The following CDK17 variants were observed in gnomAD, a reference collection of about 807,000 sequenced individuals.
The protein encoded by CDK17 is cyclin-dependent kinase 17.
CDK17 carries 24 observed loss-of-function variants against 77.6 expected under a neutral mutation model. The ratio of observed to expected loss-of-function variants is 0.31; its 90% CI spans 0.22 to 0.44. CDK17 has a LOEUF of 0.44. CDK17 is among the 20% of genes least tolerant of loss of function. The pLI is 1.00. For synonymous variants in CDK17, 203 were observed against 210.4 expected, an observed-to-expected ratio of 0.96 and a Z score of 0.30; for missense variants, 429 against 622.5, an observed-to-expected ratio of 0.69 and a Z score of 3.31.
At chr12:96,285,653 A>C (rs12231912) in intron 13 of CDK17, 21,142 of 153,094 alleles carry the variant, frequency 0.14, 1,643 homozygotes, top group South Asian at 0.28. Flanking sequence ...GACAGAGTTT[A>C]TATTCTTCAA....
intron 1 of CDK17, among the ~76,000 whole-genome samples, chr12:96,386,126 G>A (rs1953969617): frequency 6.6e-6 from 1 of 152,164 alleles, no homozygotes; most frequent in African/African-American, 2.4e-5. Flanking sequence ...GGAGTAGCCA[G>A]GACTACAGGC....
intron 1 of CDK17, among the ~76,000 whole-genome samples, chr12:96,391,295 TC>T (rs1260247742): frequency 6.9e-6 from 1 of 145,152 alleles, no homozygotes; most frequent in Non-Finnish European, 1.5e-5. Flanking sequence ...ATTTTTTTTT[TC>T]TTTTTTTTTT....
chr12:96,298,803 TACTTATAAAAAATAGAC>T, intron 7 of CDK17, 49 bp downstream of exon 7: 1 of 870,490 alleles, frequency 1.1e-6, no homozygotes, highest in Non-Finnish European at 1.8e-6. Context: ...GAGCTCTTTT[TACTTATAAAAAATAGAC>T]ACTTATTCCA....
At chr12:96,307,590 G>A (rs1952592223) in intron 5 of CDK17, among the ~76,000 whole-genome samples, 2 of 152,072 alleles carry the variant, frequency 1.3e-5, no homozygotes, top group South Asian at 4.1e-4. Flanking sequence ...AAATGTCTTG[G>A]CCAGGCACAG....
intron 1 of CDK17, among the ~76,000 whole-genome samples, chr12:96,378,137 G>GTAGC (rs1394797900): frequency 6.6e-6 from 1 of 152,226 alleles, no homozygotes; most frequent in Non-Finnish European, 1.5e-5. Context: ...GTCACCTCAT[G>GTAGC]TAGCTCACAC....
At chr12:96,316,380 G>A (rs935661425) in intron 3 of CDK17, among the ~76,000 whole-genome samples, 1 of 150,238 alleles carries the variant, frequency 6.7e-6, no homozygotes, top group African/African-American at 2.5e-5. Context: ...GGCTGGGGGA[G>A]GGGCGCCCGC....
intron 3 of CDK17, among the ~76,000 whole-genome samples, chr12:96,315,980 G>C (rs1007027812): frequency 6.6e-6 from 1 of 152,092 alleles, no homozygotes; most frequent in African/African-American, 2.4e-5. Context: ...GAACAGCTCC[G>C]GTCTACAGCT....
intron 2 of CDK17, among the ~76,000 whole-genome samples, chr12:96,325,844 A>T (rs2368052): frequency 0.052 from 7,848 of 152,240 alleles, 264 homozygotes; most frequent in Non-Finnish European, 0.064. Context: ...ATGTGGGATA[A>T]TACAGGCTAC....
intron 1 of CDK17, among the ~76,000 whole-genome samples, chr12:96,369,174 C>A (rs1243357550): frequency 6.6e-6 from 1 of 151,956 alleles, no homozygotes; most frequent in Non-Finnish European, 1.5e-5. Context: ...AAGTATATAT[C>A]TATATACATA....
chr12:96,292,976 A>G (rs1427689137), intron 10 of CDK17, among the ~76,000 whole-genome samples: 1 of 152,146 alleles, frequency 6.6e-6, no homozygotes, highest in Non-Finnish European at 1.5e-5. Context: ...GACCCATTTT[A>G]TACTCTTGAA....
In CDK17 at chr12:96,286,646, A is replaced by G; in HGVS notation, c.1216+18T>C. ...AATTATGGGTGCAAAATCACTGGGA[A>G]AAGATTTCTTCTGTTACCTAGCAGT... On this transcript the variant is annotated intron_variant, in intron 12 of 16. Coordinates refer to ENST00000261211, the MANE Select transcript of CDK17 (RefSeq NM_002595.5). 1 of 1,587,040 alleles carries G rather than the reference A, an allele frequency of 6.3e-7. No individual in the cohort carries two copies. The highest frequency in any genetic ancestry group is 8.7e-7 in the Non-Finnish European group (1 of 1,155,908).
At chr12:96,337,650 T>C (rs1321254336) in intron 1 of CDK17, among the ~76,000 whole-genome samples, 5 of 152,226 alleles carry the variant, frequency 3.3e-5, no homozygotes, top group Non-Finnish European at 5.9e-5. Flanking sequence ...TCTTTACTTC[T>C]GATAGTCAAC....
Position 96,299,514 on chromosome 12 carries a change from C to T in CDK17, c.601-531G>A, listed in dbSNP as rs576901425. ...CAAGCGATTCTCCTGACTCAGCCTC[C>T]CGAGTAGCTGGGATTACAGGCGCCC... On this transcript the variant is annotated intron_variant, in intron 6 of 16. Transcript: ENST00000261211. Among the ~76,000 whole-genome samples, 306 of 150,994 alleles carry T rather than the reference C, an allele frequency of 2.0e-3. 2 individuals are homozygous for T. Among genetic ancestry groups the T allele is most frequent in the Non-Finnish European group, 1.5e-3 (102 of 67,368 alleles).
intron 10 of CDK17, among the ~76,000 whole-genome samples, chr12:96,291,114 T>C (rs576901384): frequency 2.0e-3 from 207 of 102,256 alleles, no homozygotes; most frequent in African/African-American, 7.2e-3. Context: ...TCATATTTAC[T>C]ATGCAACCAA....
At chr12:96,339,290 C>A (rs924078290) in intron 1 of CDK17, among the ~76,000 whole-genome samples, 3 of 152,036 alleles carry the variant, frequency 2.0e-5, no homozygotes, top group African/African-American at 7.2e-5. Flanking sequence ...CTAATAAGCA[C>A]TTGAAAAGTA....
chr12:96,280,526 C>G, intron 16 of CDK17: 1 of 1,414,576 alleles, frequency 7.1e-7, no homozygotes, highest in South Asian at 1.6e-5. Flanking sequence ...CCAGGGATGG[C>G]GTGTGCAGTG....
At position 96,357,079 on chromosome 12, in the gene CDK17, T is replaced by G. The variant is rs547394500; in HGVS notation, c.-29-22214A>C. Among the ~76,000 whole-genome samples, 27 of 152,264 alleles carry G rather than the reference T, an allele frequency of 1.8e-4. 1 individual carries two copies. The highest frequency in any genetic ancestry group is 1.7e-3 in the Admixed American group (26 of 15,298). ...TTGATAATAATGGTCTTACTCAGAA[T>G]AGAACCAAGAGAGCAACTGTAACCA... On this transcript the variant is annotated intron_variant, in intron 1 of 16. Transcript: ENST00000261211.
At chr12:96,338,619 G>A (rs973086805) in intron 1 of CDK17, among the ~76,000 whole-genome samples, 24 of 151,956 alleles carry the variant, frequency 1.6e-4, no homozygotes, top group African/African-American at 2.9e-4. Flanking sequence ...TTGAACTCCC[G>A]GCCTCAAGTG....
intron 1 of CDK17, among the ~76,000 whole-genome samples, chr12:96,337,991 G>C (rs558959637): frequency 4.0e-4 from 61 of 152,272 alleles, no homozygotes; most frequent in Non-Finnish European, 7.2e-4. Flanking sequence ...GATCATATCA[G>C]GTAATCTATA....
Sources: allele counts gnomAD v4.1 joint callset (sites outside exome capture counted in the v4.1 genomes callset), GRCh38; gene constraint gnomAD v4.1.1; transcripts MANE v1.5; gene names NCBI Gene and HGNC (gene_info 2026-07-23, HGNC 2026-07-21).